Variants in PSMG4 observed in about 807,000 individuals in gnomAD.
PSMG4 encodes the protein proteasome assembly chaperone 4.
Under a neutral mutation model 11.0 loss-of-function variants are expected in PSMG4, and 10 were observed. The observed-to-expected ratio is 0.91, with a 90% CI of 0.56 to 1.54. The LOEUF (loss-of-function observed/expected upper bound fraction) is 1.54, where lower values mean the gene tolerates loss of function less well. Ranked by LOEUF, PSMG4 falls within the 40% of genes most tolerant of loss-of-function variation. The pLI is 0.00. For synonymous variants in PSMG4, 95 were observed against 71.3 expected (o/e 1.33, Z -1.68); for missense variants, 198 against 160.9 (o/e 1.23, Z -1.25).
intron 1 of PSMG4, among the ~76,000 whole-genome samples, chr6:3,259,833 C>T (rs1757909141): frequency 6.6e-6 from 1 of 152,222 alleles, no homozygotes; most frequent in Non-Finnish European, 1.5e-5. Flanking sequence ...ATCATTTCCC[C>T]TCCTCTCCCG....
intron 1 of PSMG4, among the ~76,000 whole-genome samples, chr6:3,261,672 G>C (rs1757995915): frequency 2.6e-5 from 4 of 152,202 alleles, no homozygotes; most frequent in African/African-American, 9.7e-5. Context: ...TCCAGGGGCA[G>C]AGAGCCGAGC....
chr6:3,254,877 G>A (rs529421926), upstream of PSMG4, among the ~76,000 whole-genome samples: 52 of 152,044 alleles, frequency 3.4e-4, no homozygotes, highest in East Asian at 5.8e-4. Context: ...GATGCTGGAG[G>A]GTGACTCCGA....
chr6:3,256,241 G>C (rs1041881833), upstream of PSMG4, among the ~76,000 whole-genome samples: 1 of 152,190 alleles, frequency 6.6e-6, no homozygotes, highest in Admixed American at 6.5e-5. Context: ...ACCCTATAGG[G>C]CACAGATCCA....
chr6:3,257,459 TTG>T (rs1687861230), upstream of PSMG4, among the ~76,000 whole-genome samples: 1 of 152,168 alleles, frequency 6.6e-6, no homozygotes, highest in South Asian at 2.1e-4. Context: ...GTCGGTAACT[TTG>T]TTTCCTTAAT....
upstream of PSMG4, among the ~76,000 whole-genome samples, chr6:3,254,635 A>G (rs1237895593): frequency 2.6e-5 from 4 of 152,266 alleles, no homozygotes; most frequent in Admixed American, 6.5e-5. Flanking sequence ...TGTAACACTG[A>G]TTGTGAAGGC....
At chr6:3,255,717 G>A (rs1757740115), upstream of PSMG4, among the ~76,000 whole-genome samples, 1 of 152,358 alleles carries the variant, frequency 6.6e-6, no homozygotes, top group African/African-American at 2.4e-5. Context: ...ACTGAAGAAG[G>A]GGTATTGGTA....
intron 1 of PSMG4, among the ~76,000 whole-genome samples, chr6:3,260,291 A>ATTTTTTTTTTTTTTT (rs869076629): frequency 7.5e-4 from 53 of 70,858 alleles, no homozygotes; most frequent in Non-Finnish European, 1.2e-3. Flanking sequence ...ATATATATAT[A>ATTTTTTTTTTTTTTT]TTTTTTTTTT....
chr6:3,260,562 C>T (rs1757952691), intron 1 of PSMG4, among the ~76,000 whole-genome samples: 1 of 152,036 alleles, frequency 6.6e-6, no homozygotes, highest in Non-Finnish European at 1.5e-5. Flanking sequence ...CAAGCAAGTC[C>T]CTTTGGAAGT....
chr6:3,259,329 A>C, intron 1 of PSMG4, 133 bp downstream of exon 1: 1 of 858,446 alleles, frequency 1.2e-6, no homozygotes, highest in Non-Finnish European at 1.5e-6. Context: ...CACCCGTGGG[A>C]TGTCTTAGGA....
chr6:3,257,992 TAG>T (rs1158045162), upstream of PSMG4, among the ~76,000 whole-genome samples: 1 of 152,260 alleles, frequency 6.6e-6, no homozygotes, highest in Non-Finnish European at 1.5e-5. Context: ...TTAGATCTAT[TAG>T]AGATTTTTAA....
At chr6:3,257,511 A>G (rs955663164), upstream of PSMG4, among the ~76,000 whole-genome samples, 1 of 152,172 alleles carries the variant, frequency 6.6e-6, no homozygotes, top group Non-Finnish European at 1.5e-5. Flanking sequence ...CTCAAATCAC[A>G]AAGTAAAGGG....
rs1225739268 is a variant in PSMG4, at chr6:3,263,779, G to A, written c.250+20G>A. On this transcript the variant is annotated intron_variant, in intron 2 of 2. Coordinates refer to ENST00000438998, the MANE Select transcript of PSMG4 (RefSeq NM_001128591.2). Reference sequence around the variant, plus strand: ...GCCTAGGTATGTACCCACAGCTGGCGCTGCATGGCCAGCCAGGTGGGGCCC... The same window carrying A: ...GCCTAGGTATGTACCCACAGCTGGCACTGCATGGCCAGCCAGGTGGGGCCC... The A allele has an allele frequency of 1.9e-6, 3 of 1,547,206 alleles. No homozygotes were observed. The highest frequency in any genetic ancestry group is 2.0e-5 in the Admixed American group (1 of 50,142).
At chr6:3,259,663 C>T (rs1046484469) in intron 1 of PSMG4, among the ~76,000 whole-genome samples, 16 of 152,258 alleles carry the variant, frequency 1.1e-4, no homozygotes, top group African/African-American at 3.4e-4. Flanking sequence ...ATGGCAGCTC[C>T]ATCTTCCTGG....
upstream of PSMG4, chr6:3,254,980 G>GGATCCCATGGACCTAGCGC (rs1346355855): frequency 9.5e-6 from 14 of 1,481,272 alleles, no homozygotes; most frequent in Non-Finnish European, 1.8e-6. Flanking sequence ...ATGTGGCTGT[G>GGATCCCATGGACCTAGCGC]GATCCCATGG....
upstream of PSMG4, among the ~76,000 whole-genome samples, chr6:3,254,497 T>TTG (rs1340149610): frequency 2.4e-4 from 37 of 152,144 alleles, 1 homozygote; most frequent in African/African-American, 4.3e-4. Flanking sequence ...TGGTGGTTTT[T>TTG]TGTGTATGTG....
intron 1 of PSMG4, among the ~76,000 whole-genome samples, chr6:3,259,700 CTT>C (rs1289648834): frequency 6.6e-6 from 1 of 152,200 alleles, no homozygotes; most frequent in African/African-American, 2.4e-5. Flanking sequence ...TCGCAGTTGT[CTT>C]TGATTCCTCT....
chr6:3,264,649 C>CG lies in PSMG4; in HGVS notation c.250+891dup, dbSNP rs559296021. The CG allele has an allele frequency of 9.3e-4, 205 of 220,844 alleles. 1 individual carries two copies. The highest frequency in any genetic ancestry group is 4.4e-3 in the African/African-American group (196 of 44,774). The allele number at this position is 220,844 out of a possible 1,614,324, so 13.7% of individuals were successfully genotyped here. On this transcript the variant is annotated intron_variant, in intron 2 of 2. Coordinates refer to ENST00000438998, the MANE Select transcript of PSMG4 (RefSeq NM_001128591.2). ...GGCACAGGTCAGCATTTCAGGAACT[C>CG]GCAGTATTCTTTTTCCCTCCCTTGG...
At chr6:3,255,136 A>C (rs1355849125), upstream of PSMG4, 1 of 1,551,054 alleles carries the variant, frequency 6.4e-7, no homozygotes, top group African/African-American at 1.4e-5. Flanking sequence ...CGTATTGGTC[A>C]TTCTCTTTGA....
upstream of PSMG4, among the ~76,000 whole-genome samples, chr6:3,258,396 C>A (rs940142621): frequency 7.9e-5 from 12 of 152,230 alleles, no homozygotes; most frequent in Non-Finnish European, 1.6e-4. Flanking sequence ...CACAATTTTC[C>A]TTTCTAAAGG....
Sources: allele counts gnomAD v4.1 joint callset (sites outside exome capture counted in the v4.1 genomes callset), GRCh38; gene constraint gnomAD v4.1.1; transcripts MANE v1.5; gene names NCBI Gene and HGNC (gene_info 2026-07-23, HGNC 2026-07-21).